Variants in STK3 observed in about 807,000 individuals in gnomAD.
The protein encoded by STK3 is serine/threonine-protein kinase 3.
In STK3, 41 loss-of-function variants were observed where a neutral mutation model predicts 58.0. That is an observed-to-expected ratio of 0.71 (90% CI 0.55 to 0.92). The LOEUF (loss-of-function observed/expected upper bound fraction) is 0.92, where lower values mean the gene tolerates loss of function less well. Among genes scored for constraint, STK3 ranks in the 40% least tolerant of loss-of-function variants. The pLI is 0.00. For synonymous variants in STK3, 170 were observed against 191.0 expected, an observed-to-expected ratio of 0.89 and a Z score of 0.91; for missense variants, 479 against 602.7, an observed-to-expected ratio of 0.79 and a Z score of 2.15.
chr8:98,531,151 T>C (rs573682386), intron 9 of STK3, among the ~76,000 whole-genome samples: 3 of 152,312 alleles, frequency 2.0e-5, no homozygotes, highest in African/African-American at 7.2e-5. Flanking sequence ...GAATGATGAA[T>C]CCTTTCCAGA....
rs535898696 is a variant in STK3 at position 98,735,107 on chromosome 8, T to C, written c.351+14169A>G. 2.0e-5 allele frequency among the ~76,000 whole-genome samples: 3 copies of C among 152,274 alleles called. No individual in the cohort carries two copies. In the East Asian group the frequency reaches 5.8e-4, roughly 29 times the overall value. ...AATCCACATTATTAATACCGAATAG[T>C]AGCCATGCAAATTATAACTTATCCA... is the stretch of plus-strand genomic sequence containing the variant. On this transcript the variant is annotated intron_variant, in intron 4 of 10. Transcript: ENST00000419617.
chr8:98,353,505 A>C, the STK3 span, among the ~76,000 whole-genome samples: 3 of 151,982 alleles, frequency 2.0e-5, no homozygotes. Flanking sequence ...TAAAAATAAT[A>C]ATAGTAAGGT....
At chr8:98,361,328 G>A in the STK3 span, among the ~76,000 whole-genome samples, 4 of 152,082 alleles carry the variant, frequency 2.6e-5, no homozygotes, top group East Asian at 1.9e-4. Context: ...TTTAAAACAA[G>A]GCATGACCCC....
chr8:98,773,234 T>G (rs1017677997), intron 2 of STK3, among the ~76,000 whole-genome samples: 5 of 152,196 alleles, frequency 3.3e-5, no homozygotes, highest in Non-Finnish European at 5.9e-5. Context: ...AAATCTCCCA[T>G]GCAATTATAC....
At chr8:98,739,654 G>A (rs1286697011) in intron 4 of STK3, among the ~76,000 whole-genome samples, 17 of 146,928 alleles carry the variant, frequency 1.2e-4, no homozygotes, top group East Asian at 9.8e-4. Flanking sequence ...AAAAAACAGA[G>A]CAGAAAAACT....
intron 7 of STK3, among the ~76,000 whole-genome samples, chr8:98,587,753 A>C (rs1370874517): frequency 5.9e-5 from 9 of 152,076 alleles, no homozygotes; most frequent in South Asian, 2.1e-4. Flanking sequence ...GTAGGTCTCT[A>C]AGGACTTGCT....
At chr8:98,448,477 T>C (rs1428663398) in intron 1 of STK3, among the ~76,000 whole-genome samples, 2 of 152,162 alleles carry the variant, frequency 1.3e-5, no homozygotes, top group African/African-American at 2.4e-5. Flanking sequence ...AAAGCTGTCA[T>C]AGAATAAGTG....
At chr8:98,434,522 G>A (rs1211314454) in intron 2 of STK3, among the ~76,000 whole-genome samples, 1 of 152,196 alleles carries the variant, frequency 6.6e-6, no homozygotes, top group Non-Finnish European at 1.5e-5. Context: ...TCCGGTCAAT[G>A]GTGCAGGTCT....
intron 7 of STK3, among the ~76,000 whole-genome samples, chr8:98,584,144 T>C (rs1164998740): frequency 6.6e-6 from 1 of 151,936 alleles, no homozygotes; most frequent in African/African-American, 2.4e-5. Flanking sequence ...CATGTGCACA[T>C]TGTGCAGGTT....
chr8:98,798,173 T>C lies in STK3; in HGVS notation c.27-23354A>G, dbSNP rs60036055. 8.4e-3 allele frequency among the ~76,000 whole-genome samples: 1,276 copies of C among 152,316 alleles called. 24 individuals carry two copies. The highest frequency in any genetic ancestry group is 0.029 in the African/African-American group (1,225 of 41,552). On this transcript the variant is annotated intron_variant, in intron 1 of 10. Transcript: ENST00000419617. ...CCAAACAAGTAATCTAATGGCTACA[T>C]TATTCTCCAGGAGTAAAAAGTTTGC...
chr8:98,887,399 A>G (rs181980730), intron 1 of STK3, among the ~76,000 whole-genome samples: 1 of 152,226 alleles, frequency 6.6e-6, no homozygotes, highest in East Asian at 1.9e-4. Flanking sequence ...ATCCGAAAAA[A>G]TCCAAAATCC....
intron 1 of STK3, among the ~76,000 whole-genome samples, chr8:98,911,190 C>T (rs1839116732): frequency 6.6e-6 from 1 of 152,082 alleles, no homozygotes; most frequent in African/African-American, 2.4e-5. Context: ...GCGGATTGGT[C>T]GTTCTCAACA....
intron 6 of STK3, among the ~76,000 whole-genome samples, chr8:98,653,455 T>G (rs1324036818): frequency 1.3e-5 from 2 of 152,030 alleles, no homozygotes; most frequent in South Asian, 2.1e-4. Context: ...ATTCAAAAGC[T>G]AGCAGAAGGG....
In STK3 at chr8:98,472,478, T is replaced by TTTTACAGTATATTTACATAATATA. The variant is rs1433812385; in HGVS notation, c.1318-16479_1318-16478insTATATTATGTAAATATACTGTAAA. On this transcript the variant is annotated intron_variant, in intron 10 of 10. Coordinates refer to ENST00000419617, the MANE Select transcript of STK3 (RefSeq NM_006281.4). ...CTAATATTTTTGAAATCATAATATA[T>TTTTACAGTATATTTACATAATATA]TTTACAGTACTTCACAATTTACAAA... Among the ~76,000 whole-genome samples, 10 of 152,318 alleles carry TTTTACAGTATATTTACATAATATA rather than the reference T, an allele frequency of 6.6e-5. No individual in the cohort carries two copies. The East Asian group carries it at 1.9e-3, about 29-fold the overall frequency.
chr8:98,859,220 G>A lies in STK3; in HGVS notation c.110+24427C>T, dbSNP rs561673526. ...CAGAGACATTATTAAATGGAGAAGT[G>A]TAAATTGTGGTATTTCCTGAGGAAG... On this transcript the variant is annotated intron_variant, in intron 3 of 12. Transcript: ENST00000523601. 8.5e-5 allele frequency among the ~76,000 whole-genome samples: 13 copies of A among 152,290 alleles called. No individual in the cohort carries two copies. In the South Asian group the frequency reaches 2.7e-3, roughly 32 times the overall value.
At chr8:98,614,964 T>C (rs1234142485) in intron 6 of STK3, among the ~76,000 whole-genome samples, 5 of 152,130 alleles carry the variant, frequency 3.3e-5, no homozygotes, top group Admixed American at 6.5e-5. Context: ...CCACCAGAGT[T>C]CAAGGAGGCC....
At chr8:98,709,157 C>A (rs555512276) in intron 4 of STK3, among the ~76,000 whole-genome samples, 1 of 151,966 alleles carries the variant, frequency 6.6e-6, no homozygotes, top group Middle Eastern at 3.4e-3. Context: ...CTATAAGCAA[C>A]GGGATAATTT....
chr8:98,360,996 C>T, the STK3 span, among the ~76,000 whole-genome samples: 111 of 152,338 alleles, frequency 7.3e-4, no homozygotes, highest in Non-Finnish European at 1.3e-3. Flanking sequence ...CACCCAAGCT[C>T]CACAGGACAC....
At chr8:98,807,568 T>C (rs112745054) in intron 1 of STK3, among the ~76,000 whole-genome samples, 6 of 152,124 alleles carry the variant, frequency 3.9e-5, no homozygotes, top group African/African-American at 1.4e-4. Context: ...AGTAATCAAA[T>C]GTTATTTAGG....
Sources: allele counts gnomAD v4.1 joint callset (sites outside exome capture counted in the v4.1 genomes callset), GRCh38; gene constraint gnomAD v4.1.1; transcripts MANE v1.5; gene names NCBI Gene and HGNC (gene_info 2026-07-23, HGNC 2026-07-21).